The following RERE variants were observed in gnomAD, a reference collection of about 807,000 sequenced individuals.
RERE encodes arginine-glutamic acid dipeptide repeats protein.
Under a neutral mutation model 146.1 loss-of-function variants are expected in RERE, and 40 were observed. The observed-to-expected ratio is 0.27, with a 90% CI of 0.21 to 0.36. RERE has a LOEUF of 0.36. RERE is among the 10% of genes least tolerant of loss of function. The pLI, the probability that RERE is intolerant of heterozygous loss-of-function variation, is 1.00. For missense variants in RERE, 1,933 were observed against 2,138.7 expected, an observed-to-expected ratio of 0.90 and a Z score of 1.90; for synonymous variants, 1,003 against 866.0, an observed-to-expected ratio of 1.16 and a Z score of -2.78.
intron 11 of RERE, among the ~76,000 whole-genome samples, chr1:8,451,224 A>C (rs921498358): frequency 1.3e-5 from 2 of 152,198 alleles, no homozygotes; most frequent in Non-Finnish European, 2.9e-5. Context: ...TGAGGTCAGG[A>C]GTTGGAGACT....
intron 9 of RERE, 72 bp from the exon 10 acceptor site, chr1:8,495,234 C>G: frequency 8.8e-7 from 1 of 1,130,610 alleles, no homozygotes; most frequent in South Asian, 1.2e-5. Flanking sequence ...CTTCAATTTT[C>G]AGAGGACATT....
At chr1:8,720,641 T>A (rs1378907155) in intron 1 of RERE, among the ~76,000 whole-genome samples, 1 of 152,042 alleles carries the variant, frequency 6.6e-6, no homozygotes. Flanking sequence ...GAGTCCAAGG[T>A]CAGGGTAGGC....
intron 2 of RERE, among the ~76,000 whole-genome samples, chr1:8,628,987 T>G (rs757043647): frequency 7.2e-5 from 11 of 152,210 alleles, no homozygotes; most frequent in Non-Finnish European, 1.5e-4. Context: ...TGCACAAAGC[T>G]GATGTGATCC....
chr1:8,651,727 A>C (rs1322858506), intron 2 of RERE, among the ~76,000 whole-genome samples: 3 of 133,060 alleles, frequency 2.3e-5, no homozygotes, highest in African/African-American at 8.6e-5. Context: ...GTCTCAAAAG[A>C]AAAAAAAAAA....
chr1:8,481,547 G>A (rs149950635), intron 10 of RERE, among the ~76,000 whole-genome samples: 40 of 152,304 alleles, frequency 2.6e-4, no homozygotes, highest in African/African-American at 8.7e-4. Flanking sequence ...AACCACACTT[G>A]CCTCATAGAA....
intron 8 of RERE, among the ~76,000 whole-genome samples, chr1:8,501,775 C>T (rs1304152561): frequency 2.4e-5 from 3 of 125,238 alleles, no homozygotes; most frequent in African/African-American, 9.0e-5. Context: ...GATCAGCCCC[C>T]CGCCTGGCCA....
chr1:8,482,387 A>G (rs1242083387), intron 10 of RERE, among the ~76,000 whole-genome samples: 7 of 152,152 alleles, frequency 4.6e-5, no homozygotes, highest in Non-Finnish European at 7.4e-5. Flanking sequence ...TCATTCAAAC[A>G]AGACAAAAAA....
At chr1:8,639,264 C>T (rs372530848) in intron 2 of RERE, among the ~76,000 whole-genome samples, 1 of 152,138 alleles carries the variant, frequency 6.6e-6, no homozygotes, top group Non-Finnish European at 1.5e-5. Context: ...TGCCACAGCA[C>T]TTAGAATCCT....
intron 1 of RERE, among the ~76,000 whole-genome samples, chr1:8,660,624 C>G (rs1309941363): frequency 2.6e-5 from 4 of 152,204 alleles, no homozygotes; most frequent in East Asian, 1.9e-4. Flanking sequence ...CTCCTGCTGC[C>G]TGTGCTGCCA....
At chr1:8,636,490 C>T (rs1464764837) in intron 2 of RERE, among the ~76,000 whole-genome samples, 1 of 151,880 alleles carries the variant, frequency 6.6e-6, no homozygotes, top group Non-Finnish European at 1.5e-5. Flanking sequence ...ACTATGATGA[C>T]CACTGCACTC....
At chr1:8,397,800 T>A (rs561520356) in intron 12 of RERE, among the ~76,000 whole-genome samples, 11 of 152,366 alleles carry the variant, frequency 7.2e-5, no homozygotes, top group African/African-American at 2.6e-4. Context: ...CCTTCTGCTA[T>A]TTGTACTTTC....
chr1:8,787,480 C>A (rs1399606493), intron 1 of RERE, among the ~76,000 whole-genome samples: 1 of 152,062 alleles, frequency 6.6e-6, no homozygotes, highest in Non-Finnish European at 1.5e-5. Context: ...ATTTTATAGA[C>A]CACTCATTTT....
At chr1:8,594,621 A>G (rs1339583665) in intron 4 of RERE, among the ~76,000 whole-genome samples, 1 of 152,214 alleles carries the variant, frequency 6.6e-6, no homozygotes, top group Non-Finnish European at 1.5e-5. Flanking sequence ...TCTACATATA[A>G]CATATAGTCT....
chr1:8,703,431 G>C (rs1639499965), intron 1 of RERE, among the ~76,000 whole-genome samples: 1 of 151,758 alleles, frequency 6.6e-6, no homozygotes, highest in African/African-American at 2.4e-5. Flanking sequence ...AGAAAGAGCA[G>C]ACTCCCCGCG....
intron 4 of RERE, among the ~76,000 whole-genome samples, chr1:8,558,108 G>A (rs1040660902): frequency 5.9e-5 from 9 of 152,176 alleles, no homozygotes; most frequent in Non-Finnish European, 1.2e-4. Flanking sequence ...AAGGTACTAT[G>A]AGTCCAGAGA....
chr1:8,552,105 G>A (rs547311745), intron 6 of RERE, among the ~76,000 whole-genome samples: 40 of 152,318 alleles, frequency 2.6e-4, no homozygotes, highest in Non-Finnish European at 5.4e-4. Flanking sequence ...CTACAACTGC[G>A]AAGGGCTCAG....
intron 1 of RERE, among the ~76,000 whole-genome samples, chr1:8,764,894 G>T (rs944568219): frequency 5.3e-5 from 8 of 152,212 alleles, no homozygotes; most frequent in Admixed American, 2.0e-4. Flanking sequence ...TGCATTGCTA[G>T]TAAAATTGTA....
At chr1:8,779,254 G>A (rs116029613) in intron 1 of RERE, among the ~76,000 whole-genome samples, 3,876 of 151,600 alleles carry the variant, frequency 0.026, 144 homozygotes, top group African/African-American at 0.089. Context: ...CCATCCGGGC[G>A]CAGTGGCTCA....
At chr1:8,647,852 C>T (rs912569923) in intron 2 of RERE, among the ~76,000 whole-genome samples, 1 of 152,150 alleles carries the variant, frequency 6.6e-6, no homozygotes, top group Admixed American at 6.5e-5. Context: ...ATGTTAGGAC[C>T]ATTTGTTAAA....
Sources: gnomAD v4.1 joint callset for allele counts (sites outside exome capture counted in the v4.1 genomes callset) on GRCh38, gnomAD v4.1.1 for gene constraint, MANE v1.5 for transcripts, NCBI Gene and HGNC (gene_info 2026-07-23, HGNC 2026-07-21) for gene names.